Variants in SLC22A23 observed in about 807,000 individuals in gnomAD.
SLC22A23 encodes the protein solute carrier family 22 member 23, also known as ion transporter protein.
A neutral mutation model predicts 61.0 loss-of-function variants in SLC22A23; 26 were observed. The observed-to-expected ratio is 0.43, with a 90% CI of 0.31 to 0.59. The LOEUF (loss-of-function observed/expected upper bound fraction) is 0.59, where lower values mean the gene tolerates loss of function less well. Among genes scored for constraint, SLC22A23 ranks in the 20% least tolerant of loss-of-function variants. The pLI is 0.11. For synonymous variants in SLC22A23, 430 were observed against 413.9 expected, an observed-to-expected ratio of 1.04 and a Z score of -0.47; for missense variants, 796 against 934.7, an observed-to-expected ratio of 0.85 and a Z score of 1.94.
intron 3 of SLC22A23, among the ~76,000 whole-genome samples, chr6:3,385,600 T>TG (rs1767250057): frequency 6.6e-6 from 1 of 152,224 alleles, no homozygotes; most frequent in Non-Finnish European, 1.5e-5. Context: ...AAAACACAGG[T>TG]GCCTTAGCTG....
chr6:3,409,506 G>A (rs1193437039), intron 3 of SLC22A23, among the ~76,000 whole-genome samples: 1 of 152,182 alleles, frequency 6.6e-6, no homozygotes, highest in Non-Finnish European at 1.5e-5. Context: ...ATTCCCAACA[G>A]ATCTTTCCAC....
intron 4 of SLC22A23, among the ~76,000 whole-genome samples, chr6:3,316,644 G>A (rs770900929): frequency 1.3e-5 from 2 of 152,242 alleles, no homozygotes; most frequent in South Asian, 2.1e-4. Flanking sequence ...AGACGAGCAC[G>A]TTGTTTTTTA....
Position 3,410,042 on chromosome 6 carries a change from C to G in SLC22A23, c.913+146G>C. 1 of 886,606 alleles carries G rather than the reference C, an allele frequency of 1.1e-6. No homozygotes were observed. The highest frequency in any genetic ancestry group is 2.0e-5 in the South Asian group (1 of 51,170). The allele number at this position is 886,606 out of a possible 1,614,324, so 54.9% of individuals were successfully genotyped here. ...ACGGCATCACCTGAAAAGCCTCTTT[C>G]ACAACACTTGAGGCCTTTAATGTTT... On this transcript the variant is annotated intron_variant, in intron 3 of 9. Transcript: ENST00000406686. This position sits in a 1 kb window ranked among gnomAD's most constrained non-coding sequence, Gnocchi z 5.0.
At position 3,387,844 on chromosome 6, in the gene SLC22A23, G is replaced by T. The variant is rs758270703; in HGVS notation, c.913+22344C>A. Among the ~76,000 whole-genome samples the T allele has an allele frequency of 6.6e-6, 1 of 152,194 alleles. No homozygotes were observed. Among genetic ancestry groups the T allele is most frequent in the Non-Finnish European group, 1.5e-5 (1 of 68,034 alleles). Reference sequence around the variant, plus strand: ...GCTTCTCTGATAAAGTTCTCTGAGGGTGAGTGGCAGGAAAGGAGAAGGCAG... The same window carrying T: ...GCTTCTCTGATAAAGTTCTCTGAGGTTGAGTGGCAGGAAAGGAGAAGGCAG... On this transcript the variant is annotated intron_variant, in intron 3 of 9. Coordinates refer to ENST00000406686, the MANE Select transcript of SLC22A23 (RefSeq NM_015482.2). The surrounding 1 kb of genome is among the most constrained non-coding windows in gnomAD (Gnocchi z 5.0).
rs1438465123 is a variant in SLC22A23, at chr6:3,454,833, G to T, written c.654+1073C>A. Among the ~76,000 whole-genome samples, 1 of 152,202 alleles carries T rather than the reference G, an allele frequency of 6.6e-6. No individual in the cohort carries two copies. The highest frequency in any genetic ancestry group is 1.5e-5 in the Non-Finnish European group (1 of 68,046). ...CCATGAGCTACAACTGTTAACCAAT[G>T]CACACGGGGGGAGGAGGTTACATGC... On this transcript the variant is annotated intron_variant, in intron 1 of 9. Transcript: ENST00000406686. The surrounding 1 kb of genome is among the most constrained non-coding windows in gnomAD (Gnocchi z 4.3).
chr6:3,437,864 C>T (rs1194439023), intron 1 of SLC22A23, among the ~76,000 whole-genome samples: 1 of 150,632 alleles, frequency 6.6e-6, no homozygotes, highest in African/African-American at 2.4e-5. Flanking sequence ...TCTCCTGCCT[C>T]AGCCTCCCAA....
At chr6:3,337,182 TA>T (rs1372793452) in intron 3 of SLC22A23, among the ~76,000 whole-genome samples, 5 of 152,224 alleles carry the variant, frequency 3.3e-5, no homozygotes, top group African/African-American at 1.2e-4. Flanking sequence ...GGCTCTGCGC[TA>T]AACACAAATG....
intron 9 of SLC22A23, among the ~76,000 whole-genome samples, chr6:3,279,611 T>C (rs1004777735): frequency 1.3e-5 from 2 of 151,618 alleles, no homozygotes; most frequent in South Asian, 4.2e-4. Flanking sequence ...TTGTTTTTTT[T>C]TCTCTCTTGA....
chr6:3,298,318 G>T, intron 4 of SLC22A23, 100 bp from the exon 5 acceptor site: 1 of 1,411,666 alleles, frequency 7.1e-7, no homozygotes, highest in Non-Finnish European at 9.4e-7. Flanking sequence ...GGCAGGTGGC[G>T]GTCAGTCTCC....
At chr6:3,307,370 A>C (rs1762052758) in intron 4 of SLC22A23, among the ~76,000 whole-genome samples, 1 of 152,214 alleles carries the variant, frequency 6.6e-6, no homozygotes, top group Non-Finnish European at 1.5e-5. Flanking sequence ...AGCCCTTTTC[A>C]GAAACCCCTT....
Position 3,394,444 on chromosome 6 carries a change from C to G in SLC22A23, c.913+15744G>C, listed in dbSNP as rs77102787. The stretch of plus-strand genomic sequence containing the variant: ...TTTTCAGTGGCAAAACTGTCAAGAA[C>G]AGGAATGATTGTGGTAAATTTCATT... On this transcript the variant is annotated intron_variant, in intron 3 of 9. Transcript: ENST00000406686. Among the ~76,000 whole-genome samples, 1,464 of 152,248 alleles carry G rather than the reference C, an allele frequency of 9.6e-3. 143 individuals carry two copies. The East Asian group carries it at 0.2, about 21-fold the overall frequency.
chr6:3,289,974 A>G, intron 5 of SLC22A23, 108 bp from the exon 6 acceptor site: 1 of 570,980 alleles, frequency 1.8e-6, no homozygotes, highest in East Asian at 3.7e-5. Flanking sequence ...CAGAAGGGAG[A>G]GAGAAGCTTT....
chr6:3,277,561 CTGCA>C (rs1284552338), intron 9 of SLC22A23, among the ~76,000 whole-genome samples: 1 of 152,236 alleles, frequency 6.6e-6, no homozygotes, highest in African/African-American at 2.4e-5. Flanking sequence ...GGCACTTCCC[CTGCA>C]TCCTCAGGAC....
In SLC22A23 at chr6:3,441,367, T is replaced by C. The variant is rs963963999; in HGVS notation, c.654+14539A>G. Among the ~76,000 whole-genome samples the C allele has an allele frequency of 4.6e-5, 7 of 152,244 alleles. No individual in the cohort carries two copies. In the South Asian group the frequency reaches 1.5e-3, roughly 32 times the overall value. ...AAAGTTCAGGAGACTCATTGTCTAC[T>C]GGGGGAAAAAAATCAAGCTATGCCG... On this transcript the variant is annotated intron_variant, in intron 1 of 9. Coordinates refer to ENST00000406686, the MANE Select transcript of SLC22A23 (RefSeq NM_015482.2).
intron 4 of SLC22A23, among the ~76,000 whole-genome samples, chr6:3,300,970 A>AT (rs1761559986): frequency 7.2e-6 from 1 of 138,940 alleles, no homozygotes; most frequent in Non-Finnish European, 1.5e-5. Flanking sequence ...GGAAGTCCCA[A>AT]ATACATTTGC....
intron 4 of SLC22A23, among the ~76,000 whole-genome samples, chr6:3,314,107 AT>A (rs1762505882): frequency 6.6e-6 from 1 of 152,210 alleles, no homozygotes; most frequent in Admixed American, 6.5e-5. Flanking sequence ...AGCTTAACCC[AT>A]TTTTATTGAG....
At chr6:3,306,792 G>C (rs17246629) in intron 4 of SLC22A23, among the ~76,000 whole-genome samples, 6,021 of 152,314 alleles carry the variant, frequency 0.04, 166 homozygotes, top group Non-Finnish European at 0.054. Flanking sequence ...ATACAGAGTG[G>C]AGAGTATTTT....
At chr6:3,295,245 A>C (rs1760975669) in intron 5 of SLC22A23, among the ~76,000 whole-genome samples, 2 of 152,202 alleles carry the variant, frequency 1.3e-5, no homozygotes. Context: ...GAAGTGCTGA[A>C]GTTGTAACAG....
chr6:3,281,219 A>T (rs1469385427), intron 9 of SLC22A23, among the ~76,000 whole-genome samples: 1 of 152,198 alleles, frequency 6.6e-6, no homozygotes. Context: ...AGTCAGATAG[A>T]CTTGCAAAGT....
Sources: allele counts gnomAD v4.1 joint callset (sites outside exome capture counted in the v4.1 genomes callset), GRCh38; gene constraint gnomAD v4.1.1; non-coding constraint Gnocchi (gnomAD v3.1); transcripts MANE v1.5; gene names NCBI Gene and HGNC (gene_info 2026-07-23, HGNC 2026-07-21).